CBFA2T3: variants seen among roughly 807,000 people sequenced by gnomAD.
The protein encoded by CBFA2T3 is transcriptional corepressor CBFA2T3.
In CBFA2T3, 31 loss-of-function variants were observed where a neutral mutation model predicts 58.6. The ratio of observed to expected loss-of-function variants is 0.53; its 90% CI spans 0.40 to 0.71. The LOEUF is 0.71. Ranked by LOEUF, CBFA2T3 falls within the 30% of genes least tolerant of loss-of-function variation. The probability of loss-of-function intolerance (pLI) is 0.00; values close to 1 mark genes in which losing one functional copy is unlikely to be tolerated. For synonymous variants in CBFA2T3, 531 were observed against 421.9 expected (o/e 1.26, Z -3.17); for missense variants, 1,076 against 963.1 (o/e 1.12, Z -1.55).
In CBFA2T3 at chr16:88,891,915, G is replaced by A. The variant is rs147221198; in HGVS notation, c.678C>T (p.Phe226=). 9 of 1,613,364 alleles carry A rather than the reference G, an allele frequency of 5.6e-6. No individual in the cohort carries two copies. Among genetic ancestry groups the A allele is most frequent in the African/African-American group, 1.3e-5 (1 of 75,042 alleles). Residue 226 remains phenylalanine (F), a synonymous_variant, in exon 5 of 12, where the codon TTC becomes TTT. Coordinates refer to ENST00000268679, the MANE Select transcript of CBFA2T3 (RefSeq NM_005187.6). ...FHSKLQEATN[F]PLRPFVIPFL... ...AGGGAATGACAAACGGCCGCAGAGG[G>A]AAGTTGGTGGCCTCCTGAAGCTTGG...
chr16:88,889,180 G>A (rs990130328), intron 5 of CBFA2T3, among the ~76,000 whole-genome samples: 1 of 151,618 alleles, frequency 6.6e-6, no homozygotes, highest in Non-Finnish European at 1.5e-5. Context: ...CTAACGAACT[G>A]CAAACGACGC....
At chr16:88,946,688 G>C (rs1331158148) in intron 1 of CBFA2T3, among the ~76,000 whole-genome samples, 1 of 152,046 alleles carries the variant, frequency 6.6e-6, no homozygotes, top group Non-Finnish European at 1.5e-5. Context: ...TCACCATGTT[G>C]GCCAGGCTGG....
At chr16:88,973,011 G>A (rs912395971) in intron 1 of CBFA2T3, among the ~76,000 whole-genome samples, 5 of 152,204 alleles carry the variant, frequency 3.3e-5, no homozygotes, top group Admixed American at 6.5e-5. Context: ...GGAGCCCACA[G>A]ACACCCTGGC....
At chr16:88,935,474 A>G (rs1302549158) in intron 1 of CBFA2T3, among the ~76,000 whole-genome samples, 1 of 152,202 alleles carries the variant, frequency 6.6e-6, no homozygotes, top group Admixed American at 6.5e-5. Context: ...GAGTAACTAG[A>G]GTACAACTGA....
At chr16:88,884,706 T>TG in intron 7 of CBFA2T3, 1 of 245,310 alleles carries the variant, frequency 4.1e-6, no homozygotes. Context: ...GACTCTCGTC[T>TG]GGCCCAGGTG....
Position 88,897,561 on chromosome 16 carries a change from C to T in CBFA2T3, c.379+517G>A, listed in dbSNP as rs566484949. On this transcript the variant is annotated intron_variant, in intron 3 of 11. Transcript: ENST00000268679. ...TGAGCTCTCAGCATGTGCCCGGCCC[C>T]ACCATCTGACGGCTCCTGGAGATCA... Among the ~76,000 whole-genome samples the T allele has an allele frequency of 2.0e-5, 3 of 152,396 alleles. No homozygotes were observed. The South Asian group carries it at 6.2e-4, about 32-fold the overall frequency.
intron 1 of CBFA2T3, among the ~76,000 whole-genome samples, chr16:88,914,531 T>C (rs192582926): frequency 1.3e-5 from 2 of 152,316 alleles, no homozygotes; most frequent in East Asian, 3.9e-4. Flanking sequence ...AGACCAAAAA[T>C]GTGATCGTGG....
chr16:88,931,157 T>C (rs1161443529), intron 1 of CBFA2T3, among the ~76,000 whole-genome samples: 1 of 151,994 alleles, frequency 6.6e-6, no homozygotes, highest in African/African-American at 2.4e-5. Flanking sequence ...TTCCCTGAGT[T>C]TGGGCACCTT....
At chr16:88,940,899 G>A in intron 1 of CBFA2T3, 1 of 381,906 alleles carries the variant, frequency 2.6e-6, no homozygotes, top group Non-Finnish European at 3.6e-6. Context: ...CCCTGCCGTG[G>A]GCACCAACTT....
At chr16:88,928,720 C>T (rs1192621792) in intron 1 of CBFA2T3, among the ~76,000 whole-genome samples, 4 of 152,194 alleles carry the variant, frequency 2.6e-5, no homozygotes, top group African/African-American at 4.8e-5. Context: ...GAGCTGACCT[C>T]GGACGGGAGC....
rs375787588 is a variant in CBFA2T3 at position 88,916,116 on chromosome 16, GTA to G, written c.152-14462_152-14461del. Among the ~76,000 whole-genome samples the G allele has an allele frequency of 3.6e-3, 553 of 151,982 alleles. 1 individual carries two copies. The highest frequency in any genetic ancestry group is 0.013 in the African/African-American group (522 of 41,352). ...TGTGTGTGCATGGGTGTGTGTCCGT[GTA>G]TGTGTGCACTCACGTGTACATGTGG... is the stretch of plus-strand genomic sequence containing the variant. On this transcript the variant is annotated intron_variant, in intron 1 of 11. Transcript: ENST00000268679.
chr16:88,885,826 A>T lies in CBFA2T3; in HGVS notation c.893+135T>A. Reference sequence around the variant, plus strand: ...CCTGCTGGCCCTAGTACACCTCGCCACGCTCCCTCAGCCCGAGAGAGCCGG... The same window carrying T: ...CCTGCTGGCCCTAGTACACCTCGCCTCGCTCCCTCAGCCCGAGAGAGCCGG... On this transcript the variant is annotated intron_variant, in intron 6 of 11. Coordinates refer to ENST00000268679, the MANE Select transcript of CBFA2T3 (RefSeq NM_005187.6). This position sits in a 1 kb window ranked among gnomAD's most constrained non-coding sequence, Gnocchi z 5.3. 1.3e-6 allele frequency: 1 copy of T among 756,310 alleles called. No homozygotes were observed. 46.8% of individuals were successfully genotyped at this position (756,310 alleles called of 1,614,324 possible).
At chr16:88,888,760 G>A (rs1177648323) in intron 5 of CBFA2T3, among the ~76,000 whole-genome samples, 1 of 151,820 alleles carries the variant, frequency 6.6e-6, no homozygotes, top group Non-Finnish European at 1.5e-5. Flanking sequence ...GAAGCGCCAT[G>A]TCAGAGAGGT....
chr16:88,941,247 A>C, intron 1 of CBFA2T3: 1 of 857,142 alleles, frequency 1.2e-6, no homozygotes, highest in Non-Finnish European at 1.4e-6. Flanking sequence ...CGCGGGAACA[A>C]AGCGCGCACC....
intron 3 of CBFA2T3, among the ~76,000 whole-genome samples, chr16:88,895,230 C>T (rs978297785): frequency 4.6e-5 from 7 of 152,234 alleles, no homozygotes; most frequent in African/African-American, 1.7e-4. Context: ...CCAACAAGGC[C>T]CTTCTGAGGG....
chr16:88,976,932 T>C lies in CBFA2T3; in HGVS notation c.-125A>G. 4.8e-6 allele frequency: 6 copies of C among 1,239,506 alleles called. No individual in the cohort carries two copies. The highest frequency in any genetic ancestry group is 6.6e-6 in the Non-Finnish European group (6 of 908,188). The allele number at this position is 1,239,506 out of a possible 1,614,324, so 76.8% of individuals were successfully genotyped here. On this transcript the variant is annotated 5_prime_UTR_variant, in exon 1 of 12. Coordinates refer to ENST00000268679, the MANE Select transcript of CBFA2T3 (RefSeq NM_005187.6). Reference sequence around the variant, plus strand: ...CTGGGCCAGCTGGGGCGTCCTGGAGTTGGGCCTCTGTCCCTGGAAAGCCGA... The same window carrying C: ...CTGGGCCAGCTGGGGCGTCCTGGAGCTGGGCCTCTGTCCCTGGAAAGCCGA...
chr16:88,882,909 T>C (rs1279502176), intron 7 of CBFA2T3, 148 bp from the exon 8 acceptor site: 1 of 654,010 alleles, frequency 1.5e-6, no homozygotes, highest in Non-Finnish European at 2.8e-6. Flanking sequence ...CTGGTTGACT[T>C]GGTGACCGTG....
At chr16:88,892,174 G>A (rs1042923563) in intron 4 of CBFA2T3, 70 bp downstream of exon 4, 28 of 1,547,442 alleles carry the variant, frequency 1.8e-5, no homozygotes, top group African/African-American at 1.5e-4. Context: ...AGGAGTGGCC[G>A]TGGCTGCAAC....
chr16:88,976,608 G>C lies in CBFA2T3; in HGVS notation c.151+49C>G, dbSNP rs374774667. On this transcript the variant is annotated intron_variant, in intron 1 of 11. Transcript: ENST00000268679. ...CTAAGGAGTCACAGCCCCGGCACCGGCTGCCGCTCTCTGCCCCCACCCCAC... is the reference window on the plus strand; with the variant it reads ...CTAAGGAGTCACAGCCCCGGCACCGCCTGCCGCTCTCTGCCCCCACCCCAC... 1.1e-5 allele frequency: 15 copies of C among 1,411,778 alleles called. No homozygotes were observed. The East Asian group carries it at 1.8e-4, about 17-fold the overall frequency. 87.5% of individuals were successfully genotyped at this position (1,411,778 alleles called of 1,614,324 possible).
Sources: allele counts gnomAD v4.1 joint callset (sites outside exome capture counted in the v4.1 genomes callset), GRCh38; gene constraint gnomAD v4.1.1; non-coding constraint Gnocchi (gnomAD v3.1); transcripts MANE v1.5; gene names NCBI Gene and HGNC (gene_info 2026-07-23, HGNC 2026-07-21).